Variants in PAK1 observed in about 807,000 individuals in gnomAD.
The protein encoded by PAK1 is p21 (RAC1) activated kinase 1.
PAK1 carries 29 observed loss-of-function variants against 67.4 expected under a neutral mutation model. The ratio of observed to expected loss-of-function variants is 0.43; its 90% CI spans 0.32 to 0.59. PAK1 has a LOEUF of 0.59. PAK1 is among the 20% of genes least tolerant of loss of function. The probability of loss-of-function intolerance (pLI) is 0.07; values close to 1 mark genes in which losing one functional copy is unlikely to be tolerated. For missense variants in PAK1, 337 were observed against 670.7 expected (o/e 0.50, Z 5.50); for synonymous variants, 223 against 237.4 (o/e 0.94, Z 0.56).
the PAK1 span, chr11:77,515,033 G>A: frequency 6.6e-6 from 1 of 152,140 alleles, no homozygotes; most frequent in African/African-American, 2.4e-5. Context: ...GCAAAGAGGA[G>A]GAAAAGAGCA....
At position 77,355,239 on chromosome 11, in the gene PAK1, A is replaced by T. The variant is rs542768813; in HGVS notation, c.772+429T>A. On this transcript the variant is annotated intron_variant, in intron 7 of 14. Coordinates refer to ENST00000356341, the MANE Select transcript of PAK1 (RefSeq NM_002576.5). ...CATACTATAGGTTCATAAAATGTTA[A>T]CTTCCCTTCCCTCTTTTCCTACAAC... is the stretch of plus-strand genomic sequence containing the variant. Among the ~76,000 whole-genome samples the T allele has an allele frequency of 6.6e-5, 10 of 152,276 alleles. No homozygotes were observed. In the South Asian group the frequency reaches 2.1e-3, roughly 32 times the overall value.
chr11:77,361,783 G>C (rs1240019952), intron 5 of PAK1, among the ~76,000 whole-genome samples: 1 of 152,050 alleles, frequency 6.6e-6, no homozygotes, highest in East Asian at 1.9e-4. Flanking sequence ...CTTTTAGAAA[G>C]AGTACCAAAT....
chr11:77,348,120 C>A (rs1027156668), intron 9 of PAK1, among the ~76,000 whole-genome samples: 1 of 152,176 alleles, frequency 6.6e-6, no homozygotes, highest in Non-Finnish European at 1.5e-5. Context: ...CCCCTATTAA[C>A]CATGACTTCT....
chr11:77,335,009 A>T (rs1484881676), intron 13 of PAK1, among the ~76,000 whole-genome samples: 1 of 152,104 alleles, frequency 6.6e-6, no homozygotes, highest in Non-Finnish European at 1.5e-5. Context: ...ATCACATTTG[A>T]CACATAATCT....
At chr11:77,462,266 G>C (rs1957386368) in intron 1 of PAK1, among the ~76,000 whole-genome samples, 1 of 151,678 alleles carries the variant, frequency 6.6e-6, no homozygotes, top group Non-Finnish European at 1.5e-5. Flanking sequence ...GGGAGGCGGA[G>C]CTTGCAGTGA....
At chr11:77,444,856 T>C (rs1956524343) in intron 1 of PAK1, among the ~76,000 whole-genome samples, 1 of 152,172 alleles carries the variant, frequency 6.6e-6, no homozygotes, top group Non-Finnish European at 1.5e-5. Context: ...GATGGAGGTC[T>C]GAATACTGCA....
chr11:77,351,649 T>C (rs1945260564), intron 8 of PAK1, among the ~76,000 whole-genome samples: 1 of 151,528 alleles, frequency 6.6e-6, no homozygotes, highest in Admixed American at 6.6e-5. Context: ...GATTAAACAA[T>C]AAATGCAAAT....
At chr11:77,325,890 T>C (rs1021759063) in intron 14 of PAK1, among the ~76,000 whole-genome samples, 1 of 152,218 alleles carries the variant, frequency 6.6e-6, no homozygotes, top group Non-Finnish European at 1.5e-5. Context: ...AATAAATATA[T>C]TTTGAGTACC....
chr11:77,500,277 G>T, the PAK1 span, among the ~76,000 whole-genome samples: 2 of 152,054 alleles, frequency 1.3e-5, no homozygotes, highest in East Asian at 3.9e-4. Context: ...GACCAGCCTG[G>T]TTAACATGGT....
At chr11:77,522,516 A>G in the PAK1 span, among the ~76,000 whole-genome samples, 1 of 152,228 alleles carries the variant, frequency 6.6e-6, no homozygotes, top group Non-Finnish European at 1.5e-5. Flanking sequence ...CAAAACCACA[A>G]TGAGATACCA....
intron 14 of PAK1, among the ~76,000 whole-genome samples, chr11:77,330,573 G>T (rs1941245489): frequency 6.6e-6 from 1 of 152,158 alleles, no homozygotes; most frequent in Non-Finnish European, 1.5e-5. Flanking sequence ...GGGAAAACTG[G>T]CTAGCCATAT....
chr11:77,467,737 A>G (rs1229683958), intron 1 of PAK1, among the ~76,000 whole-genome samples: 1 of 152,250 alleles, frequency 6.6e-6, no homozygotes, highest in African/African-American at 2.4e-5. Context: ...AGTATCTTAC[A>G]ATTCACTTTT....
At chr11:77,516,136 T>C in the PAK1 span, among the ~76,000 whole-genome samples, 2 of 152,216 alleles carry the variant, frequency 1.3e-5, no homozygotes, top group Non-Finnish European at 2.9e-5. Flanking sequence ...GAATAATCTT[T>C]GCTGCATTAA....
intron 2 of PAK1, among the ~76,000 whole-genome samples, chr11:77,389,207 C>A (rs1950826075): frequency 6.6e-6 from 1 of 152,216 alleles, no homozygotes. Context: ...TAACTGGCTT[C>A]TTTCACTTAA....
At chr11:77,504,248 A>G in the PAK1 span, among the ~76,000 whole-genome samples, 1 of 152,184 alleles carries the variant, frequency 6.6e-6, no homozygotes, top group Non-Finnish European at 1.5e-5. Context: ...TAATATAAAT[A>G]GCACATTTCC....
At chr11:77,374,307 A>G in intron 5 of PAK1, 21 bp downstream of exon 5, 4 of 1,519,692 alleles carry the variant, frequency 2.6e-6, no homozygotes, top group Non-Finnish European at 3.7e-6. Context: ...CCACATCAAA[A>G]TAGAGTAAAT....
Position 77,322,763 on chromosome 11 carries a change from G to A in PAK1, c.*511C>T. ...CCAAAGTCATGGTCCAGGAAGCTGA[G>A]CCTCTTCATGTCCCTGGCAGATTAT... is the stretch of plus-strand genomic sequence containing the variant. On this transcript the variant is annotated 3_prime_UTR_variant, in exon 15 of 15. Transcript: ENST00000356341. 3.1e-6 allele frequency: 1 copy of A among 319,600 alleles called. No homozygotes were observed. The highest frequency in any genetic ancestry group is 2.1e-5 in the African/African-American group (1 of 47,468). The allele number at this position is 319,600 out of a possible 1,614,324, so 19.8% of individuals were successfully genotyped here. A position where few individuals can be genotyped will look rare whatever the true frequency, so the allele number is the denominator to read the frequency against.
At chr11:77,494,448 G>A in the PAK1 span, among the ~76,000 whole-genome samples, 2 of 151,926 alleles carry the variant, frequency 1.3e-5, no homozygotes, top group Admixed American at 6.6e-5. Flanking sequence ...GGCTGGTATC[G>A]AACTCCTGGG....
At chr11:77,495,252 T>C in the PAK1 span, among the ~76,000 whole-genome samples, 3 of 150,850 alleles carry the variant, frequency 2.0e-5, no homozygotes, top group African/African-American at 7.3e-5. Flanking sequence ...AACGGGCAAA[T>C]CATTTGAAGT....
Sources: allele counts gnomAD v4.1 joint callset (sites outside exome capture counted in the v4.1 genomes callset), GRCh38; gene constraint gnomAD v4.1.1; transcripts MANE v1.5; gene names NCBI Gene and HGNC (gene_info 2026-07-23, HGNC 2026-07-21).